The following URB1 variants were observed in gnomAD, a reference collection of about 807,000 sequenced individuals.
The protein encoded by URB1 is URB1 ribosome biogenesis factor.
Under a neutral mutation model 242.3 loss-of-function variants are expected in URB1, and 197 were observed. The ratio of observed to expected loss-of-function variants is 0.81; its 90% CI spans 0.72 to 0.91. The LOEUF is 0.91. Ranked by LOEUF, URB1 falls within the 40% of genes least tolerant of loss-of-function variation. The pLI is 0.00. For synonymous variants in URB1, 1,153 were observed against 1,201.8 expected, an observed-to-expected ratio of 0.96 and a Z score of 0.84; for missense variants, 2,721 against 2,860.5, an observed-to-expected ratio of 0.95 and a Z score of 1.11.
At position 32,354,870 on chromosome 21, in the gene URB1, G is replaced by C; in HGVS notation, c.2234C>G (p.Ser745Cys). 1 of 1,552,368 alleles carries C rather than the reference G, an allele frequency of 6.4e-7. No individual in the cohort carries two copies. Among genetic ancestry groups the C allele is most frequent in the Non-Finnish European group, 8.7e-7 (1 of 1,147,116 alleles). The change falls in exon 17 of 39, where the codon TCC becomes TGC. Residue 745 changes from serine (S) to cysteine (C), a missense_variant. By Grantham distance (112) the Ser-to-Cys change is moderately radical (BLOSUM62 -1). Transcript: ENST00000382751. ...QEADDMSIPISHIDDVLDMVD... is the reference protein window; with the variant it reads ...QEADDMSIPICHIDDVLDMVD... The stretch of plus-strand genomic sequence containing the variant: ...AGAATGGAACATACCGTCAATGTGG[G>C]AGATGGGAATGCTCATGTCATCGGC...
intron 6 of URB1, among the ~76,000 whole-genome samples, chr21:32,373,979 A>C (rs2033432960): frequency 6.6e-6 from 1 of 152,112 alleles, no homozygotes; most frequent in Non-Finnish European, 1.5e-5. Context: ...TACTATTTTG[A>C]TATATTTCCT....
chr21:32,324,538 G>A lies in URB1; in HGVS notation c.5186C>T (p.Thr1729Ile), dbSNP rs1484270083. The change falls in exon 32 of 39, where the codon ACC becomes ATC. Residue 1729 changes from threonine (T) to isoleucine (I), a missense_variant. Thr to Ile is a moderately conservative substitution (Grantham distance 89, BLOSUM62 -1). Coordinates refer to ENST00000382751, the MANE Select transcript of URB1 (RefSeq NM_014825.3). ...TGCTTTGGCAATGAAGAGAGCCAAG[G>A]TAAAAGTAAGTCTCATGTCCTGAGT... ...IRTQDMRLTF[T>I]LALFIAKAAL... The A allele has an allele frequency of 1.9e-6, 3 of 1,551,762 alleles. No homozygotes were observed. Among genetic ancestry groups the A allele is most frequent in the Admixed American group, 3.9e-5 (2 of 50,996 alleles).
At chr21:32,342,082 G>C (rs1455631676) in intron 24 of URB1, among the ~76,000 whole-genome samples, 2 of 151,994 alleles carry the variant, frequency 1.3e-5, no homozygotes, top group African/African-American at 4.8e-5. Flanking sequence ...ATTTCTGCTA[G>C]TAGCTCTGAC....
chr21:32,365,175 C>T (rs529851558), intron 10 of URB1, among the ~76,000 whole-genome samples: 2 of 152,162 alleles, frequency 1.3e-5, no homozygotes, highest in East Asian at 1.9e-4. Context: ...CTGGGTGTGG[C>T]GGCTCAGACT....
chr21:32,373,197 T>G (rs1327669280), intron 7 of URB1, among the ~76,000 whole-genome samples: 1 of 152,084 alleles, frequency 6.6e-6, no homozygotes, highest in African/African-American at 2.4e-5. Flanking sequence ...ATTATATATG[T>G]CAGTAGGTGA....
chr21:32,360,129 C>T (rs916188231), intron 13 of URB1, among the ~76,000 whole-genome samples: 1 of 152,156 alleles, frequency 6.6e-6, no homozygotes, highest in African/African-American at 2.4e-5. Flanking sequence ...AGCCCAAATC[C>T]CACTTGCCTG....
rs1460863500 is a variant in URB1 at position 32,347,214 on chromosome 21, G to C, written c.3610C>G (p.Leu1204Val). The C allele has an allele frequency of 3.9e-6, 6 of 1,550,576 alleles. No individual in the cohort carries two copies. Among genetic ancestry groups the C allele is most frequent in the Non-Finnish European group, 5.2e-6 (6 of 1,146,972 alleles). Residue 1204 changes from leucine (L) to valine (V), a missense_variant, in exon 22 of 39, where the codon CTG (leucine) becomes GTG (valine). Leu to Val is a conservative substitution (Grantham distance 32). Transcript: ENST00000382751. The stretch of plus-strand genomic sequence containing the variant: ...GGGGCCAGCACAGGGTCTCTCTGCA[G>C]AGTGTGGAGGAGCACTGTGTCCAGC... ...DELDTVLLHT[L>V]QRDPVLAPAV...
At chr21:32,324,836 C>T (rs879421954) in intron 31 of URB1, among the ~76,000 whole-genome samples, 12 of 152,186 alleles carry the variant, frequency 7.9e-5, no homozygotes, top group African/African-American at 9.7e-5. Context: ...AGAAGTCTGG[C>T]ACCATGCCCT....
At chr21:32,317,586 G>A in intron 37 of URB1, 90 bp downstream of exon 37, 2 of 1,486,236 alleles carry the variant, frequency 1.3e-6, no homozygotes, top group Non-Finnish European at 1.8e-6. Context: ...CTTTGGAAAT[G>A]TGGCTGAGAG....
chr21:32,344,822 C>A (rs548921251), intron 23 of URB1, 66 bp from the exon 24 acceptor site: 70 of 1,480,082 alleles, frequency 4.7e-5, no homozygotes, highest in Non-Finnish European at 5.5e-5. Flanking sequence ...TACGTATAAT[C>A]CAGCATCACA....
chr21:32,351,814 G>A (rs753168590), intron 19 of URB1, among the ~76,000 whole-genome samples: 3 of 152,198 alleles, frequency 2.0e-5, no homozygotes, highest in Non-Finnish European at 2.9e-5. Context: ...TGTGGCCTAC[G>A]TGTGGGGGAA....
intron 6 of URB1, among the ~76,000 whole-genome samples, chr21:32,374,989 A>G (rs1159799175): frequency 4.6e-5 from 7 of 152,210 alleles, no homozygotes; most frequent in Non-Finnish European, 1.0e-4. Context: ...TGATCTTTTT[A>G]GCAAGTTTTA....
At chr21:32,388,994 GTATT>G (rs2033612056) in intron 1 of URB1, among the ~76,000 whole-genome samples, 1 of 152,192 alleles carries the variant, frequency 6.6e-6, no homozygotes, top group African/African-American at 2.4e-5. Flanking sequence ...ACCAATGTGA[GTATT>G]TATTAAGCAC....
At position 32,354,120 on chromosome 21, in the gene URB1, A is replaced by T; in HGVS notation, c.2246-17T>A. On this transcript the variant is annotated splice_polypyrimidine_tract_variant and intron_variant, in intron 17 of 38. Transcript: ENST00000382751. ...CGAGAACATCTGAGACAGAAAGAGG[A>T]GAATCCAGCTGATGTGAGAGCCACT... 1.9e-6 allele frequency: 3 copies of T among 1,551,520 alleles called. No homozygotes were observed. In the South Asian group the frequency reaches 3.6e-5, roughly 18 times the overall value.
intron 20 of URB1, 130 bp from the exon 21 acceptor site, chr21:32,349,613 A>G: frequency 2.3e-6 from 2 of 860,064 alleles, no homozygotes; most frequent in Non-Finnish European, 1.7e-6. Context: ...CTCCTCACAG[A>G]GTGTGTGAGA....
chr21:32,374,969 T>C (rs2033443422), intron 6 of URB1, among the ~76,000 whole-genome samples: 1 of 152,234 alleles, frequency 6.6e-6, no homozygotes, highest in Non-Finnish European at 1.5e-5. Context: ...TGTTTCTGTA[T>C]TAAAGGCAGT....
intron 10 of URB1, among the ~76,000 whole-genome samples, chr21:32,365,437 C>CA (rs1450450965): frequency 6.6e-6 from 1 of 150,958 alleles, no homozygotes; most frequent in Non-Finnish European, 1.5e-5. Flanking sequence ...GGCAACAGAA[C>CA]AAGACCCTGT....
At chr21:32,355,603 G>C in intron 15 of URB1, 38 bp from the exon 16 acceptor site, 1 of 1,490,370 alleles carries the variant, frequency 6.7e-7, no homozygotes, top group Non-Finnish European at 9.2e-7. Flanking sequence ...AGTCAGAACA[G>C]AACGCGCTTT....
intron 1 of URB1, among the ~76,000 whole-genome samples, chr21:32,390,685 T>G (rs760487975): frequency 6.6e-6 from 1 of 152,146 alleles, no homozygotes; most frequent in Non-Finnish European, 1.5e-5. Flanking sequence ...TCACACCAAT[T>G]AGAATGGCGA....
Sources: gnomAD v4.1 joint callset for allele counts (sites outside exome capture counted in the v4.1 genomes callset) on GRCh38, gnomAD v4.1.1 for gene constraint, MANE v1.5 for transcripts, NCBI Gene and HGNC (gene_info 2026-07-23, HGNC 2026-07-21) for gene names.